Variants in EPSTI1 observed in about 807,000 individuals in gnomAD.
EPSTI1 encodes epithelial-stromal interaction protein 1.
Under a neutral mutation model 49.9 loss-of-function variants are expected in EPSTI1, and 66 were observed. That is an observed-to-expected ratio of 1.32 (90% CI 1.08 to 1.62). The LOEUF (loss-of-function observed/expected upper bound fraction) is 1.62, where lower values mean the gene tolerates loss of function less well. Among genes scored for constraint, EPSTI1 ranks in the 40% most tolerant of loss-of-function variants. The pLI is 0.00. For missense variants in EPSTI1, 394 were observed against 365.5 expected (o/e 1.08, Z -0.64); for synonymous variants, 137 against 130.7 (o/e 1.05, Z -0.33).
rs112428529 is a variant in EPSTI1 at position 42,955,883 on chromosome 13, G to T, written c.490-1862C>A. On this transcript the variant is annotated intron_variant, in intron 5 of 10. Transcript: ENST00000313624. The stretch of plus-strand genomic sequence containing the variant: ...TAGTTGATGAAGAAGTATTTGGGGG[G>T]GGGGGGAAGTAGTAGTAGTAGTATT... Among the ~76,000 whole-genome samples the T allele has an allele frequency of 9.7e-5, 14 of 144,606 alleles. No homozygotes were observed. In the East Asian group the frequency reaches 1.5e-3, roughly 16 times the overall value. 94.9% of individuals were successfully genotyped at this position (144,606 alleles called of 152,430 possible).
intron 1 of EPSTI1, among the ~76,000 whole-genome samples, chr13:42,979,180 T>C (rs2039937192): frequency 6.6e-6 from 1 of 152,190 alleles, no homozygotes; most frequent in African/African-American, 2.4e-5. Flanking sequence ...TAAGAAAAGT[T>C]CTTTTACATT....
At position 42,888,251 on chromosome 13, in the gene EPSTI1, T is replaced by C; in HGVS notation, c.*243A>G. On this transcript the variant is annotated 3_prime_UTR_variant, in exon 11 of 11. Transcript: ENST00000313624. ...ACATCACTCTAATTATACTTCCAAT[T>C]AGAAAAATAATGTAGCATTTCCCTG... is the stretch of plus-strand genomic sequence containing the variant. 1.2e-6 allele frequency: 2 copies of C among 1,613,470 alleles called. No homozygotes were observed. Among genetic ancestry groups the C allele is most frequent in the Non-Finnish European group, 1.7e-6 (2 of 1,179,648 alleles).
chr13:42,905,091 T>A (rs984097357), intron 8 of EPSTI1, among the ~76,000 whole-genome samples: 6 of 152,076 alleles, frequency 3.9e-5, no homozygotes, highest in African/African-American at 1.4e-4. Flanking sequence ...AAAATCCCAA[T>A]AAATATGTAA....
rs768709182 is a variant in EPSTI1 at position 42,911,267 on chromosome 13, G to GCGCA, written c.741+6273_741+6274insTGCG. Among the ~76,000 whole-genome samples the GCGCA allele has an allele frequency of 2.2e-5, 3 of 137,996 alleles. No homozygotes were observed. In the South Asian group the frequency reaches 6.7e-4, roughly 31 times the overall value. 90.5% of individuals were successfully genotyped at this position (137,996 alleles called of 152,430 possible). A position where few individuals can be genotyped will look rare whatever the true frequency, so the allele number is the denominator to read the frequency against. ...AGAGTGTGTGTGTGTGTGTGTGTGCGCGCGCACGCGCGCACACGTGTGTGA... is the reference window on the plus strand; with the variant it reads ...AGAGTGTGTGTGTGTGTGTGTGTGCGCGCACGCGCACGCGCGCACACGTGTGTGA... On this transcript the variant is annotated intron_variant, in intron 8 of 10. Transcript: ENST00000313624.
intron 8 of EPSTI1, among the ~76,000 whole-genome samples, chr13:42,916,700 T>C (rs929884998): frequency 3.3e-5 from 5 of 152,128 alleles, no homozygotes; most frequent in African/African-American, 1.2e-4. Flanking sequence ...TAAGAAATAG[T>C]GACAGGATTT....
chr13:42,987,942 T>C (rs2040114788), intron 1 of EPSTI1, among the ~76,000 whole-genome samples: 1 of 152,210 alleles, frequency 6.6e-6, no homozygotes, highest in Non-Finnish European at 1.5e-5. Context: ...GTCTCTACAA[T>C]ACTAATACGA....
chr13:42,920,788 C>T (rs552133818), intron 7 of EPSTI1, among the ~76,000 whole-genome samples: 1 of 152,292 alleles, frequency 6.6e-6, no homozygotes, highest in South Asian at 2.1e-4. Flanking sequence ...CAGTGAGCCT[C>T]TGAGTCCCTC....
intron 6 of EPSTI1, among the ~76,000 whole-genome samples, chr13:42,951,088 C>T (rs985419728): frequency 3.9e-5 from 6 of 152,050 alleles, no homozygotes; most frequent in Admixed American, 2.6e-4. Context: ...ACCCAGGAGG[C>T]GGAGGTTACA....
chr13:42,930,296 A>ACATGCATGCATG (rs565498310), intron 6 of EPSTI1, among the ~76,000 whole-genome samples: 19 of 152,360 alleles, frequency 1.2e-4, no homozygotes, highest in African/African-American at 4.3e-4. Flanking sequence ...AATCATTCGT[A>ACATGCATGCATG]CATGCATGCA....
intron 1 of EPSTI1, among the ~76,000 whole-genome samples, chr13:42,981,808 G>A (rs2039991839): frequency 6.6e-6 from 1 of 152,072 alleles, no homozygotes; most frequent in African/African-American, 2.4e-5. Context: ...AACTGTCAGA[G>A]TACATCACAT....
In EPSTI1 at chr13:42,934,724, G is replaced by A. The variant is rs146497224; in HGVS notation, c.564-8295C>T. On this transcript the variant is annotated intron_variant, in intron 6 of 10. Transcript: ENST00000313624. ...CCATCAACCAGACTACTAATGAGTGGTACAGAGGTGACTGGGCCCCATGCC... is the reference window on the plus strand; with the variant it reads ...CCATCAACCAGACTACTAATGAGTGATACAGAGGTGACTGGGCCCCATGCC... The A allele has an allele frequency of 2.9e-3, 517 of 177,236 alleles. 3 individuals carry two copies. Among genetic ancestry groups the A allele is most frequent in the African/African-American group, 0.011 (481 of 42,326 alleles). 11.0% of individuals were successfully genotyped at this position (177,236 alleles called of 1,614,324 possible).
chr13:42,921,947 AAC>A (rs1188181714), intron 7 of EPSTI1, among the ~76,000 whole-genome samples: 1 of 152,238 alleles, frequency 6.6e-6, no homozygotes, highest in Non-Finnish European at 1.5e-5. Context: ...CATTTTGTAG[AAC>A]AGTCACAAAA....
At chr13:42,976,918 T>A (rs570454423) in intron 1 of EPSTI1, among the ~76,000 whole-genome samples, 86 of 152,372 alleles carry the variant, frequency 5.6e-4, no homozygotes, top group African/African-American at 2.0e-3. Flanking sequence ...CAGCTGTACA[T>A]CCTGCTTTCA....
At chr13:42,926,475 A>C in intron 6 of EPSTI1, 46 bp from the exon 7 acceptor site, 1 of 1,030,528 alleles carries the variant, frequency 9.7e-7, no homozygotes, top group Non-Finnish European at 1.5e-6. Context: ...AAAAATATGA[A>C]CATAATTCTT....
intron 8 of EPSTI1, among the ~76,000 whole-genome samples, chr13:42,911,265 G>GTGTGCGCA (rs771037394): frequency 3.4e-3 from 256 of 74,602 alleles, no homozygotes; most frequent in Non-Finnish European, 5.0e-3. Flanking sequence ...GTGTGTGTGT[G>GTGTGCGCA]CGCGCGCACG....
intron 9 of EPSTI1, among the ~76,000 whole-genome samples, chr13:42,896,201 T>A (rs1377986868): frequency 6.6e-6 from 1 of 152,286 alleles, no homozygotes. Flanking sequence ...TCAGCTATTA[T>A]AAAGCTTCTT....
rs1186819145 is a variant in EPSTI1, at chr13:42,953,930, C to T, written c.563+18G>A. The T allele has an allele frequency of 6.2e-7, 1 of 1,606,218 alleles. No homozygotes were observed. Among genetic ancestry groups the T allele is most frequent in the African/African-American group, 1.3e-5 (1 of 74,464 alleles). ...AATCTGCCTATAAAGGCACGAAGTT[C>T]TGAAAACATTAACTTACTATTGCTG... On this transcript the variant is annotated intron_variant, in intron 6 of 10. Transcript: ENST00000313624.
At chr13:42,952,252 GTTCTTTC>G (rs2039121285) in intron 6 of EPSTI1, among the ~76,000 whole-genome samples, 1 of 152,172 alleles carries the variant, frequency 6.6e-6, no homozygotes, top group African/African-American at 2.4e-5. Context: ...TGAAAGCTTT[GTTCTTTC>G]GCTCTCCACA....
intron 6 of EPSTI1, among the ~76,000 whole-genome samples, chr13:42,937,964 C>T (rs1269960761): frequency 1.3e-5 from 2 of 152,132 alleles, no homozygotes; most frequent in Non-Finnish European, 2.9e-5. Context: ...ATGTGAACAT[C>T]AGATTTATTC....
Sources: allele counts gnomAD v4.1 joint callset (sites outside exome capture counted in the v4.1 genomes callset), GRCh38; gene constraint gnomAD v4.1.1; transcripts MANE v1.5; gene names NCBI Gene and HGNC (gene_info 2026-07-23, HGNC 2026-07-21).